The following SRGAP3 variants were observed in gnomAD, a reference collection of about 807,000 sequenced individuals.
SRGAP3 encodes SLIT-ROBO Rho GTPase activating protein 3, also known as SLIT-ROBO Rho GTPase-activating protein 3.
Under a neutral mutation model 121.1 loss-of-function variants are expected in SRGAP3, and 39 were observed. The observed-to-expected ratio is 0.32, with a 90% CI of 0.25 to 0.42. SRGAP3 has a LOEUF of 0.42. Among genes scored for constraint, SRGAP3 ranks in the 10% least tolerant of loss-of-function variants. The probability of loss-of-function intolerance (pLI) is 1.00; values close to 1 mark genes in which losing one functional copy is unlikely to be tolerated. For missense variants in SRGAP3, 1,213 were observed against 1,470.6 expected, an observed-to-expected ratio of 0.82 and a Z score of 2.86; for synonymous variants, 601 against 570.0, an observed-to-expected ratio of 1.05 and a Z score of -0.77.
intron 1 of SRGAP3, among the ~76,000 whole-genome samples, chr3:9,184,710 C>G (rs1951541321): frequency 6.6e-6 from 1 of 152,134 alleles, no homozygotes; most frequent in Non-Finnish European, 1.5e-5. Flanking sequence ...AAGGGTCAAA[C>G]AAATGGTAAA....
At chr3:9,110,327 G>A (rs1004720647) in intron 2 of SRGAP3, among the ~76,000 whole-genome samples, 3 of 152,284 alleles carry the variant, frequency 2.0e-5, no homozygotes, top group East Asian at 1.9e-4. Flanking sequence ...AGTTCGAGTC[G>A]AACACGACGA....
In SRGAP3 at chr3:8,981,887, C is replaced by T. The variant is rs1003552735; in HGVS notation, c.*3632G>A. The T allele has an allele frequency of 2.2e-4, 51 of 228,272 alleles. No individual in the cohort carries two copies. The highest frequency in any genetic ancestry group is 1.0e-3 in the African/African-American group (46 of 45,184). 14.1% of individuals were successfully genotyped at this position (228,272 alleles called of 1,614,324 possible). A position where few individuals can be genotyped will look rare whatever the true frequency, so the allele number is the denominator to read the frequency against. On this transcript the variant is annotated 3_prime_UTR_variant, in exon 22 of 22. Coordinates refer to ENST00000383836, the MANE Select transcript of SRGAP3 (RefSeq NM_014850.4). Reference sequence around the variant, plus strand: ...GAGAAAAGACTCCAAAGTCTAATTCCCAAGCTCGCAATTCCCTCCGATTGT... The same window carrying T: ...GAGAAAAGACTCCAAAGTCTAATTCTCAAGCTCGCAATTCCCTCCGATTGT...
At chr3:9,129,389 A>G (rs1415034175) in intron 1 of SRGAP3, among the ~76,000 whole-genome samples, 1 of 151,982 alleles carries the variant, frequency 6.6e-6, no homozygotes, top group East Asian at 1.9e-4. Flanking sequence ...AAAGAATGAG[A>G]CATTTTAGAT....
At chr3:9,273,500 C>T (rs1259813111) in intron 3 of SRGAP3, among the ~76,000 whole-genome samples, 1 of 151,264 alleles carries the variant, frequency 6.6e-6, no homozygotes, top group East Asian at 2.0e-4. Flanking sequence ...AGATATTAAC[C>T]CCTCTCAGAC....
intron 3 of SRGAP3, among the ~76,000 whole-genome samples, chr3:9,099,915 T>C (rs2124894540): frequency 6.6e-6 from 1 of 152,216 alleles, no homozygotes; most frequent in Non-Finnish European, 1.5e-5. Context: ...AGGAGCCAAG[T>C]AAGGTAAAAT....
intron 18 of SRGAP3, 152 bp from the exon 19 acceptor site, chr3:8,994,675 C>T (rs753720933): frequency 2.6e-5 from 25 of 955,466 alleles, no homozygotes; most frequent in Middle Eastern, 3.2e-4. Flanking sequence ...GGGCTCAGGA[C>T]CCTGGGGTCC....
chr3:9,169,904 T>C (rs1323382695), intron 1 of SRGAP3, among the ~76,000 whole-genome samples: 5 of 152,160 alleles, frequency 3.3e-5, no homozygotes, highest in Non-Finnish European at 7.4e-5. Flanking sequence ...AGGCAAGTCA[T>C]GGTCCCCTTT....
chr3:9,262,294 G>C (rs1954270221), intron 3 of SRGAP3, among the ~76,000 whole-genome samples: 1 of 151,978 alleles, frequency 6.6e-6, no homozygotes, highest in Admixed American at 6.6e-5. Context: ...TGAAGAAACT[G>C]CATCAACTAA....
intron 1 of SRGAP3, among the ~76,000 whole-genome samples, chr3:9,210,769 G>A (rs550618300): frequency 6.6e-6 from 1 of 152,118 alleles, no homozygotes; most frequent in South Asian, 2.1e-4. Flanking sequence ...GGTAGAGGTT[G>A]CAGTGAGCCG....
At chr3:9,311,413 T>G (rs149509497) in intron 3 of SRGAP3, among the ~76,000 whole-genome samples, 1 of 152,324 alleles carries the variant, frequency 6.6e-6, no homozygotes, top group East Asian at 1.9e-4. Context: ...ACTTTGGCAT[T>G]ACTGTAAAAT....
chr3:9,154,451 C>G (rs1339394877), intron 1 of SRGAP3, among the ~76,000 whole-genome samples: 2 of 152,058 alleles, frequency 1.3e-5, no homozygotes, highest in Non-Finnish European at 2.9e-5. Context: ...AGCCCCACCC[C>G]CCATCAAGTT....
intron 1 of SRGAP3, among the ~76,000 whole-genome samples, chr3:9,155,186 T>C (rs1196091926): frequency 6.6e-6 from 1 of 152,244 alleles, no homozygotes; most frequent in Non-Finnish European, 1.5e-5. Context: ...CGTGGAGTTC[T>C]GGCTGACAGT....
intron 20 of SRGAP3, 36 bp from the exon 21 acceptor site, chr3:8,990,875 G>A: frequency 6.8e-7 from 1 of 1,471,144 alleles, no homozygotes. Context: ...GCATGGGGCA[G>A]AGGTCAAGCC....
chr3:9,088,402 T>C (rs1947590345), intron 3 of SRGAP3, among the ~76,000 whole-genome samples: 1 of 152,214 alleles, frequency 6.6e-6, no homozygotes, highest in African/African-American at 2.4e-5. Flanking sequence ...CCAGCCATCA[T>C]GAATGCAGGG....
chr3:9,318,117 T>C (rs764785471), intron 3 of SRGAP3, among the ~76,000 whole-genome samples: 10 of 152,158 alleles, frequency 6.6e-5, no homozygotes, highest in Non-Finnish European at 1.2e-4. Flanking sequence ...TCGGTGTTTA[T>C]GGAGAATCAT....
intron 4 of SRGAP3, among the ~76,000 whole-genome samples, chr3:9,070,047 C>T (rs1338049141): frequency 1.3e-5 from 2 of 152,240 alleles, no homozygotes; most frequent in Non-Finnish European, 1.5e-5. Flanking sequence ...GTCTGTTTAC[C>T]GCTAAGCATT....
At chr3:9,067,887 A>G (rs1560063228) in intron 4 of SRGAP3, among the ~76,000 whole-genome samples, 1 of 152,180 alleles carries the variant, frequency 6.6e-6, no homozygotes, top group African/African-American at 2.4e-5. Flanking sequence ...ATCAGCAAGA[A>G]GGGGGTTTCT....
chr3:9,149,236 A>C (rs927220348), intron 1 of SRGAP3, among the ~76,000 whole-genome samples: 2 of 151,748 alleles, frequency 1.3e-5, no homozygotes, highest in African/African-American at 4.8e-5. Context: ...AAAAAAGAAA[A>C]GAAAAAAAGA....
intron 18 of SRGAP3, among the ~76,000 whole-genome samples, chr3:9,008,773 G>A (rs114690757): frequency 2.0e-3 from 311 of 152,198 alleles, no homozygotes; most frequent in African/African-American, 6.6e-3. Context: ...CCTGTGACCC[G>A]GGTCTGACCC....
Sources: allele counts gnomAD v4.1 joint callset (sites outside exome capture counted in the v4.1 genomes callset), GRCh38; gene constraint gnomAD v4.1.1; transcripts MANE v1.5; gene names NCBI Gene and HGNC (gene_info 2026-07-23, HGNC 2026-07-21).